The following TNRC6B variants were observed in gnomAD, a reference collection of about 807,000 sequenced individuals.
TNRC6B encodes the protein trinucleotide repeat containing adaptor 6B, also known as trinucleotide repeat-containing gene 6B protein.
In TNRC6B, 52 loss-of-function variants were observed where a neutral mutation model predicts 203.6. The observed-to-expected ratio is 0.26, with a 90% CI of 0.20 to 0.32. The LOEUF is 0.32. Ranked by LOEUF, TNRC6B falls within the 10% of genes least tolerant of loss-of-function variation. The pLI, the probability that TNRC6B is intolerant of heterozygous loss-of-function variation, is 1.00. For synonymous variants in TNRC6B, 838 were observed against 845.7 expected, an observed-to-expected ratio of 0.99 and a Z score of 0.16; for missense variants, 1,923 against 2,286.2, an observed-to-expected ratio of 0.84 and a Z score of 3.24.
chr22:40,059,526 C>T (rs1569246350), intron 1 of TNRC6B, among the ~76,000 whole-genome samples: 1 of 152,104 alleles, frequency 6.6e-6, no homozygotes, highest in Non-Finnish European at 1.5e-5. Context: ...TTGCTTTTCT[C>T]CTGTGTCTTA....
chr22:40,210,152 A>AACCCCCAGGT (rs2069541873), intron 1 of TNRC6B, among the ~76,000 whole-genome samples: 1 of 151,610 alleles, frequency 6.6e-6, no homozygotes, highest in Non-Finnish European at 1.5e-5. Flanking sequence ...CCTTCCCCCC[A>AACCCCCAGGT]ACCCCCAGGC....
chr22:40,240,367 AC>A (rs1477084487), intron 1 of TNRC6B, among the ~76,000 whole-genome samples: 1 of 151,898 alleles, frequency 6.6e-6, no homozygotes, highest in East Asian at 1.9e-4. Context: ...GCAATATTAA[AC>A]CCCCAGCTCC....
intron 1 of TNRC6B, among the ~76,000 whole-genome samples, chr22:40,180,901 C>A (rs1473071193): frequency 6.6e-6 from 1 of 152,024 alleles, no homozygotes; most frequent in Admixed American, 6.6e-5. Flanking sequence ...ACCCCCCCCA[C>A]CAATCTATAT....
chr22:40,070,743 A>T (rs2067939422), intron 1 of TNRC6B, among the ~76,000 whole-genome samples: 1 of 151,956 alleles, frequency 6.6e-6, no homozygotes, highest in African/African-American at 2.4e-5. Flanking sequence ...CTTATCAGAA[A>T]CTCTTAAGGG....
intron 1 of TNRC6B, among the ~76,000 whole-genome samples, chr22:40,085,100 C>T (rs1436282291): frequency 6.6e-6 from 1 of 152,154 alleles, no homozygotes; most frequent in Non-Finnish European, 1.5e-5. Flanking sequence ...ATTTCAATAG[C>T]CTGTGGAAAG....
intron 1 of TNRC6B, among the ~76,000 whole-genome samples, chr22:40,105,277 A>C (rs918325399): frequency 1.3e-5 from 2 of 152,216 alleles, no homozygotes; most frequent in African/African-American, 4.8e-5. Context: ...TTTTGATTTA[A>C]ATCTTTTTAA....
At chr22:40,244,373 A>G (rs1293943139) in intron 1 of TNRC6B, among the ~76,000 whole-genome samples, 1 of 152,194 alleles carries the variant, frequency 6.6e-6, no homozygotes, top group African/African-American at 2.4e-5. Context: ...AGGCTTTTAT[A>G]TCTTTATACC....
rs1044212979 is a variant in TNRC6B, at chr22:40,326,901, A to G, written c.*3660A>G. ...AATCTAATAAGGAACAAGTGATTTT[A>G]CTTTTTTAGCTCCCAGCTACTGTTG... On this transcript the variant is annotated 3_prime_UTR_variant, in exon 23 of 23. Transcript: ENST00000454349. 3 of 152,646 alleles carry G rather than the reference A, an allele frequency of 2.0e-5. No homozygotes were observed. Among genetic ancestry groups the G allele is most frequent in the Non-Finnish European group, 4.4e-5 (3 of 68,032 alleles). The allele number at this position is 152,646 out of a possible 1,614,324, so 9.5% of individuals were successfully genotyped here.
intron 1 of TNRC6B, among the ~76,000 whole-genome samples, chr22:40,109,875 GA>G (rs1489944265): frequency 5.9e-5 from 9 of 152,152 alleles, no homozygotes; most frequent in African/African-American, 2.2e-4. Context: ...TAAGGCCCCT[GA>G]AAAAGGGGAT....
chr22:40,185,406 A>C (rs1262267365), intron 1 of TNRC6B, among the ~76,000 whole-genome samples: 2 of 152,218 alleles, frequency 1.3e-5, no homozygotes, highest in African/African-American at 4.8e-5. Flanking sequence ...TTTTATAAAG[A>C]TAAGGCCATA....
intron 15 of TNRC6B, among the ~76,000 whole-genome samples, chr22:40,305,586 A>G (rs1302940512): frequency 1.3e-5 from 2 of 152,212 alleles, no homozygotes; most frequent in African/African-American, 2.4e-5. Flanking sequence ...GCTGGTTACT[A>G]CGTGACATCA....
chr22:40,060,577 A>C (rs1278556233), intron 1 of TNRC6B, among the ~76,000 whole-genome samples: 1 of 152,198 alleles, frequency 6.6e-6, no homozygotes, highest in East Asian at 1.9e-4. Context: ...CCCCAAGACT[A>C]TCCCTAGGTT....
intron 2 of TNRC6B, among the ~76,000 whole-genome samples, chr22:40,122,690 TC>T (rs1042807619): frequency 1.3e-5 from 2 of 152,150 alleles, no homozygotes; most frequent in Non-Finnish European, 2.9e-5. Context: ...CATTCCCCTT[TC>T]ACAGCATGTC....
rs1601525345 is a variant in TNRC6B at position 40,324,026 on chromosome 22, C to T, written c.*785C>T. ...CAGTCTGCAGGCTGGCTGGCCGGCC[C>T]ATCTGCTTTTTATTTTATTTTTTTA... is the stretch of plus-strand genomic sequence containing the variant. On this transcript the variant is annotated 3_prime_UTR_variant, in exon 23 of 23. Coordinates refer to ENST00000454349, the MANE Select transcript of TNRC6B (RefSeq NM_001162501.2). 1 of 152,402 alleles carries T rather than the reference C, an allele frequency of 6.6e-6. No individual in the cohort carries two copies. Among genetic ancestry groups the T allele is most frequent in the Admixed American group, 6.5e-5 (1 of 15,278 alleles). 9.4% of individuals were successfully genotyped at this position (152,402 alleles called of 1,614,324 possible).
intron 15 of TNRC6B, among the ~76,000 whole-genome samples, chr22:40,308,263 G>A (rs547782480): frequency 1.4e-4 from 21 of 152,334 alleles, no homozygotes; most frequent in African/African-American, 2.4e-4. Context: ...GAAAAAGGGC[G>A]TGCAGGAATG....
chr22:40,239,957 C>T (rs1481548340), intron 1 of TNRC6B, among the ~76,000 whole-genome samples: 1 of 152,078 alleles, frequency 6.6e-6, no homozygotes, highest in Admixed American at 6.5e-5. Context: ...CCTGCCTCAG[C>T]CTCCCAAGCA....
intron 1 of TNRC6B, among the ~76,000 whole-genome samples, chr22:40,104,444 G>C (rs1205489323): frequency 1.3e-5 from 2 of 152,174 alleles, no homozygotes; most frequent in Non-Finnish European, 2.9e-5. Flanking sequence ...ACACAGGATA[G>C]AGCAGCACCA....
At chr22:40,148,912 G>A (rs1460618355) in intron 3 of TNRC6B, among the ~76,000 whole-genome samples, 1 of 152,130 alleles carries the variant, frequency 6.6e-6, no homozygotes, top group Non-Finnish European at 1.5e-5. Context: ...AGCTCTCAGA[G>A]GGAACCAACC....
Position 40,331,457 on chromosome 22 carries a change from A to C in TNRC6B, c.*8216A>C, listed in dbSNP as rs1287459075. 1.7e-5 allele frequency: 6 copies of C among 353,990 alleles called. No individual in the cohort carries two copies. 21.9% of individuals were successfully genotyped at this position (353,990 alleles called of 1,614,324 possible). A position where few individuals can be genotyped will look rare whatever the true frequency, so the allele number is the denominator to read the frequency against. The stretch of plus-strand genomic sequence containing the variant: ...CAAGCAAATGCTAAGGGCCATTTCC[A>C]TGATTCCTCAGAGCTCCCCCAAAGA... On this transcript the variant is annotated 3_prime_UTR_variant, in exon 23 of 23. Transcript: ENST00000454349.
Sources: allele counts gnomAD v4.1 joint callset (sites outside exome capture counted in the v4.1 genomes callset), GRCh38; gene constraint gnomAD v4.1.1; transcripts MANE v1.5; gene names NCBI Gene and HGNC (gene_info 2026-07-23, HGNC 2026-07-21).